SMG6: variants seen among roughly 807,000 people sequenced by gnomAD.
SMG6 encodes telomerase-binding protein EST1A.
A neutral mutation model predicts 142.2 loss-of-function variants in SMG6; 66 were observed. That is an observed-to-expected ratio of 0.46 (90% CI 0.38 to 0.57). The LOEUF is 0.57. Among genes scored for constraint, SMG6 ranks in the 20% least tolerant of loss-of-function variants. The pLI, the probability that SMG6 is intolerant of heterozygous loss-of-function variation, is 0.00. For missense variants in SMG6, 1,793 were observed against 1,832.0 expected (o/e 0.98, Z 0.39); for synonymous variants, 779 against 702.4 (o/e 1.11, Z -1.72).
chr17:2,182,147 T>A (rs1028934696), intron 12 of SMG6, among the ~76,000 whole-genome samples: 2 of 152,196 alleles, frequency 1.3e-5, no homozygotes, highest in Admixed American at 1.3e-4. Flanking sequence ...GTGGCTTAGA[T>A]ACTTGGAGAA....
At chr17:2,187,654 G>A (rs773168730) in intron 11 of SMG6, among the ~76,000 whole-genome samples, 2 of 152,044 alleles carry the variant, frequency 1.3e-5, no homozygotes, top group Non-Finnish European at 2.9e-5. Context: ...GAATCCGGGT[G>A]AAGGGTATGT....
At chr17:2,230,784 C>G (rs529070165) in intron 10 of SMG6, among the ~76,000 whole-genome samples, 1 of 152,288 alleles carries the variant, frequency 6.6e-6, no homozygotes, top group Admixed American at 6.5e-5. Flanking sequence ...TCTGGCCTGC[C>G]TTCCAAAGCC....
At chr17:2,131,363 T>C (rs914702119) in intron 13 of SMG6, among the ~76,000 whole-genome samples, 1 of 151,920 alleles carries the variant, frequency 6.6e-6, no homozygotes, top group African/African-American at 2.4e-5. Flanking sequence ...TGGTGCAATC[T>C]AGGCTCACTG....
chr17:2,167,185 C>A (rs59207721), intron 13 of SMG6, among the ~76,000 whole-genome samples: 49,019 of 132,268 alleles, frequency 0.37, 9,199 homozygotes, highest in African/African-American at 0.51. Context: ...AAAAGGCAGG[C>A]AAAAAAAATA....
intron 8 of SMG6, among the ~76,000 whole-genome samples, chr17:2,269,119 C>T (rs1394022338): frequency 6.6e-6 from 1 of 150,850 alleles, no homozygotes; most frequent in Admixed American, 6.7e-5. Flanking sequence ...ACCCGAGAGG[C>T]TGCGGCAGGA....
intron 13 of SMG6, among the ~76,000 whole-genome samples, chr17:2,168,430 G>A (rs185558293): frequency 3.9e-5 from 6 of 152,194 alleles, no homozygotes; most frequent in Admixed American, 2.6e-4. Context: ...TGATCCACCC[G>A]CCTCAGCCTC....
chr17:2,165,171 A>C (rs1030133231), intron 13 of SMG6, among the ~76,000 whole-genome samples: 1 of 152,194 alleles, frequency 6.6e-6, no homozygotes, highest in Non-Finnish European at 1.5e-5. Context: ...AGAGAGGTCT[A>C]AGGCAAATTC....
At chr17:2,236,877 G>A in intron 9 of SMG6, 1 of 1,203,056 alleles carries the variant, frequency 8.3e-7, no homozygotes, top group Non-Finnish European at 1.0e-6. Context: ...CTCAAGTTTT[G>A]GATAAATCAC....
chr17:2,198,622 A>G (rs1045987755), intron 10 of SMG6, among the ~76,000 whole-genome samples: 3 of 152,252 alleles, frequency 2.0e-5, no homozygotes, highest in African/African-American at 7.2e-5. Flanking sequence ...ACCTCTCTGT[A>G]CATTTTTAAA....
In SMG6 at chr17:2,236,564, G is replaced by C; in HGVS notation, c.2797C>G (p.Pro933Ala). 6.2e-7 allele frequency: 1 copy of C among 1,613,732 alleles called. No homozygotes were observed. Among genetic ancestry groups the C allele is most frequent in the Non-Finnish European group, 8.5e-7 (1 of 1,179,888 alleles). The change falls in exon 10 of 19, where the codon CCC becomes GCC. Residue 933 changes from proline (P) to alanine (A), a missense_variant. By Grantham distance (27) the Pro-to-Ala change is conservative. Transcript: ENST00000263073. ...FQVLLQHSPS[P>A]IGSTRMLQLM... The stretch of plus-strand genomic sequence containing the variant: ...TGCAGCATGCGGGTACTTCCAATGG[G>C]AGAGGGGCTGTGCTGCAGTAACACC...
intron 10 of SMG6, among the ~76,000 whole-genome samples, chr17:2,221,958 T>C (rs1044387983): frequency 6.6e-6 from 1 of 152,196 alleles, no homozygotes; most frequent in Non-Finnish European, 1.5e-5. Context: ...TGGTCTTGAA[T>C]TCCTGAGCTC....
chr17:2,088,059 G>A, intron 13 of SMG6: 1 of 985,482 alleles, frequency 1.0e-6, no homozygotes, highest in African/African-American at 1.7e-5. Flanking sequence ...GAGGACAGAG[G>A]AAAAGCTTGC....
chr17:2,230,680 CAG>C (rs1202963797), intron 10 of SMG6, among the ~76,000 whole-genome samples: 2 of 152,180 alleles, frequency 1.3e-5, no homozygotes, highest in Non-Finnish European at 2.9e-5. Context: ...GATCCACAGG[CAG>C]AGAGTGCCGA....
At chr17:2,113,684 ATCT>A (rs2069410481) in intron 13 of SMG6, among the ~76,000 whole-genome samples, 1 of 152,168 alleles carries the variant, frequency 6.6e-6, no homozygotes, top group African/African-American at 2.4e-5. Context: ...CATTCTGGAG[ATCT>A]TATTATTTTC....
chr17:2,164,181 C>CT (rs2151631866), intron 13 of SMG6, among the ~76,000 whole-genome samples: 1 of 152,174 alleles, frequency 6.6e-6, no homozygotes, highest in Admixed American at 6.5e-5. Flanking sequence ...CTTTGGGAGG[C>CT]TGAGGTGGAG....
Position 2,068,987 on chromosome 17 carries a change from A to G in SMG6, c.3682-56T>C. The stretch of plus-strand genomic sequence containing the variant: ...CAGCGAGCAGGCAAGCAGGTGGGTG[A>G]GCCAGGGCCCTGACACTACGGTGTG... On this transcript the variant is annotated intron_variant, in intron 15 of 18. Coordinates refer to ENST00000263073, the MANE Select transcript of SMG6 (RefSeq NM_017575.5). This position sits in a 1 kb window ranked among gnomAD's most constrained non-coding sequence, Gnocchi z 6.7. 1.9e-6 allele frequency: 3 copies of G among 1,583,248 alleles called. No homozygotes were observed. Among genetic ancestry groups the G allele is most frequent in the Non-Finnish European group, 2.6e-6 (3 of 1,157,542 alleles).
At chr17:2,183,217 C>A in intron 12 of SMG6, among the ~76,000 whole-genome samples, 1 of 150,224 alleles carries the variant, frequency 6.7e-6, no homozygotes, top group Non-Finnish European at 1.5e-5. Context: ...CAGAGCGAGA[C>A]CCTGGGAAAG....
intron 10 of SMG6, among the ~76,000 whole-genome samples, chr17:2,219,713 T>G (rs1315173475): frequency 6.9e-6 from 1 of 145,090 alleles, no homozygotes; most frequent in Non-Finnish European, 1.5e-5. Context: ...TGCTTGAGCC[T>G]AAGAAGAAGC....
At chr17:2,277,541 C>G (rs949090057) in intron 8 of SMG6, among the ~76,000 whole-genome samples, 3 of 152,152 alleles carry the variant, frequency 2.0e-5, no homozygotes, top group African/African-American at 7.2e-5. Context: ...ATCTTTTTCA[C>G]TATGTCACTG....
Sources: gnomAD v4.1 joint callset for allele counts (sites outside exome capture counted in the v4.1 genomes callset) on GRCh38, gnomAD v4.1.1 for gene constraint, Gnocchi (gnomAD v3.1) non-coding constraint, MANE v1.5 for transcripts, NCBI Gene and HGNC (gene_info 2026-07-23, HGNC 2026-07-21) for gene names.